The following MGST1 variants were observed in gnomAD, a reference collection of about 807,000 sequenced individuals.
MGST1 encodes the protein glutathione S-transferase 12.
MGST1 carries 5 observed loss-of-function variants against 8.9 expected under a neutral mutation model. The observed-to-expected ratio is 0.56, with a 90% CI of 0.29 to 1.19. The LOEUF (loss-of-function observed/expected upper bound fraction) is 1.19, where lower values mean the gene tolerates loss of function less well. MGST1 is among the 50% of genes most tolerant of loss of function. The pLI, the probability that MGST1 is intolerant of heterozygous loss-of-function variation, is 0.08. For synonymous variants in MGST1, 54 were observed against 67.8 expected, an observed-to-expected ratio of 0.80 and a Z score of 1.00; for missense variants, 182 against 187.4, an observed-to-expected ratio of 0.97 and a Z score of 0.17.
At chr12:16,472,954 A>T (rs2137136365) in intron 4 of MGST1, among the ~76,000 whole-genome samples, 1 of 152,300 alleles carries the variant, frequency 6.6e-6, no homozygotes, top group East Asian at 1.9e-4. Context: ...TTTGTAGGCT[A>T]GCCTTTCCAT....
Position 16,544,285 on chromosome 12 carries a change from T to C in MGST1, n.483-45243T>C, listed in dbSNP as rs1341139369. Among the ~76,000 whole-genome samples, 1 of 149,032 alleles carries C rather than the reference T, an allele frequency of 6.7e-6. No individual in the cohort carries two copies. Among genetic ancestry groups the C allele is most frequent in the Non-Finnish European group, 1.5e-5 (1 of 67,418 alleles). ...ACACAAAACATAACCTACTAGTCAA[T>C]CTGCCTGCATTGCATCAGGGTCTAT... On this transcript the variant is annotated intron_variant and non_coding_transcript_variant, in intron 4 of 4. Coordinates refer to the MGST1 transcript ENST00000538857. This position sits in a 1 kb window ranked among gnomAD's most constrained non-coding sequence, Gnocchi z 4.8.
At position 16,524,715 on chromosome 12, in the gene MGST1, T is replaced by C. The variant is rs73320902; in HGVS notation, n.483-64813T>C. On this transcript the variant is annotated intron_variant and non_coding_transcript_variant, in intron 4 of 4. Transcript: ENST00000538857. The stretch of plus-strand genomic sequence containing the variant: ...AACTCCAATGTTTTGGTCTTCATTT[T>C]CACTATATTTTGTACTTATTGTACA... Among the ~76,000 whole-genome samples the C allele has an allele frequency of 6.2e-3, 939 of 152,212 alleles. 8 individuals carry two copies. Among genetic ancestry groups the C allele is most frequent in the African/African-American group, 0.021 (873 of 41,556 alleles).
intron 4 of MGST1, among the ~76,000 whole-genome samples, chr12:16,467,302 G>A (rs763619993): frequency 1.6e-4 from 25 of 152,196 alleles, no homozygotes; most frequent in Non-Finnish European, 3.5e-4. Flanking sequence ...TATTGAAGTT[G>A]CCAGGCAAAA....
At chr12:16,525,489 C>T (rs1445181833) in intron 4 of MGST1, among the ~76,000 whole-genome samples, 1 of 150,528 alleles carries the variant, frequency 6.6e-6, no homozygotes, top group Non-Finnish European at 1.5e-5. Flanking sequence ...TTTTTTATGG[C>T]TGCATAGTAT....
At chr12:16,371,443 T>C (rs961732812) in intron 3 of MGST1, among the ~76,000 whole-genome samples, 6 of 152,080 alleles carry the variant, frequency 3.9e-5, no homozygotes, top group Non-Finnish European at 5.9e-5. Flanking sequence ...AGAAAGATGG[T>C]GAAACGACTG....
intron 4 of MGST1, among the ~76,000 whole-genome samples, chr12:16,463,470 G>A (rs1286555829): frequency 2.0e-5 from 3 of 151,808 alleles, no homozygotes; most frequent in African/African-American, 4.8e-5. Context: ...AGGAAGAAGA[G>A]CTAATAGATG....
rs372906861 is a variant in MGST1 at position 16,387,651 on chromosome 12, C to T, written n.778+4047C>T. 4.4e-3 allele frequency among the ~76,000 whole-genome samples: 670 copies of T among 152,016 alleles called. 7 individuals are homozygous for T. The highest frequency in any genetic ancestry group is 0.015 in the African/African-American group (642 of 41,438). On this transcript the variant is annotated intron_variant and non_coding_transcript_variant, in intron 1 of 1. Coordinates refer to the MGST1 transcript ENST00000359720. ...ACGCCATTCTCCTGCCTCAGCCTCCCGAGTAGCTGGGACTACAGGCGCCCA... is the reference window on the plus strand; with the variant it reads ...ACGCCATTCTCCTGCCTCAGCCTCCTGAGTAGCTGGGACTACAGGCGCCCA...
chr12:16,470,178 A>G (rs1941282688), intron 4 of MGST1, among the ~76,000 whole-genome samples: 2 of 152,180 alleles, frequency 1.3e-5, no homozygotes, highest in South Asian at 4.1e-4. Flanking sequence ...TATTTGGGGA[A>G]CTTTCTACAT....
Position 16,555,823 on chromosome 12 carries a change from C to T in MGST1, n.483-33705C>T, listed in dbSNP as rs2137284134. 6.6e-6 allele frequency among the ~76,000 whole-genome samples: 1 copy of T among 152,276 alleles called. No individual in the cohort carries two copies. Among genetic ancestry groups the T allele is most frequent in the Admixed American group, 6.5e-5 (1 of 15,294 alleles). On this transcript the variant is annotated intron_variant and non_coding_transcript_variant, in intron 4 of 4. Coordinates refer to the MGST1 transcript ENST00000538857. This position sits in a 1 kb window ranked among gnomAD's most constrained non-coding sequence, Gnocchi z 5.5. ...AATTCCTTTCCTCACTGCTCCCTGG[C>T]TCCCTCATCTTCCCCAACCCCGAGC...
Position 16,503,886 on chromosome 12 carries a change from C to G in MGST1, n.483-85642C>G, listed in dbSNP as rs776222958. The stretch of plus-strand genomic sequence containing the variant: ...CTGCATAACTACCTCAGAGCTGCCA[C>G]TCTGGGCACATTGCCTATGGGGTAG... On this transcript the variant is annotated intron_variant and non_coding_transcript_variant, in intron 4 of 4. Transcript: ENST00000538857. The surrounding 1 kb of genome is among the most constrained non-coding windows in gnomAD (Gnocchi z 4.8). Among the ~76,000 whole-genome samples, 47 of 152,332 alleles carry G rather than the reference C, an allele frequency of 3.1e-4. No individual in the cohort carries two copies. Among genetic ancestry groups the G allele is most frequent in the Admixed American group, 1.5e-3 (23 of 15,302 alleles).
chr12:16,444,182 G>GT (rs1410059091), intron 4 of MGST1, among the ~76,000 whole-genome samples: 1,717 of 134,970 alleles, frequency 0.013, 60 homozygotes, highest in Admixed American at 0.08. Context: ...TGGCTGATTT[G>GT]GTTTTTTTTT....
At chr12:16,538,455 C>T (rs978177207) in intron 4 of MGST1, among the ~76,000 whole-genome samples, 3 of 152,104 alleles carry the variant, frequency 2.0e-5, no homozygotes, top group African/African-American at 7.2e-5. Flanking sequence ...CAGGAACGCC[C>T]CACTCTACTG....
chr12:16,405,839 A>G (rs1940694439), intron 1 of MGST1, among the ~76,000 whole-genome samples: 1 of 152,210 alleles, frequency 6.6e-6, no homozygotes, highest in Admixed American at 6.5e-5. Flanking sequence ...AGACATAGAA[A>G]AGGCTTTTGA....
chr12:16,417,203 C>A (rs761101234), intron 1 of MGST1, among the ~76,000 whole-genome samples: 1 of 152,212 alleles, frequency 6.6e-6, no homozygotes, highest in Non-Finnish European at 1.5e-5. Context: ...AGGAAACTTA[C>A]AATCATAGCA....
At chr12:16,374,440 C>T (rs1360076242) in intron 3 of MGST1, among the ~76,000 whole-genome samples, 2 of 152,050 alleles carry the variant, frequency 1.3e-5, no homozygotes, top group African/African-American at 2.4e-5. Context: ...CTCTGCCACA[C>T]AAACAAAATT....
chr12:16,427,114 A>G (rs1371193791), intron 1 of MGST1, among the ~76,000 whole-genome samples: 1 of 152,224 alleles, frequency 6.6e-6, no homozygotes, highest in Non-Finnish European at 1.5e-5. Flanking sequence ...CAGTCTGGCA[A>G]TAAAGACTTT....
At chr12:16,570,385 G>GT (rs1194113742) in intron 4 of MGST1, among the ~76,000 whole-genome samples, 1 of 151,818 alleles carries the variant, frequency 6.6e-6, no homozygotes. Flanking sequence ...AAGTGGAGAG[G>GT]TATCTGGTTT....
chr12:16,495,172 G>C (rs1178231770), intron 4 of MGST1, among the ~76,000 whole-genome samples: 2 of 152,098 alleles, frequency 1.3e-5, no homozygotes, highest in African/African-American at 4.8e-5. Flanking sequence ...CTGCAACATG[G>C]ATGAAACTGG....
chr12:16,542,707 T>C (rs1409879915), intron 4 of MGST1, among the ~76,000 whole-genome samples: 2 of 152,204 alleles, frequency 1.3e-5, no homozygotes, highest in Non-Finnish European at 2.9e-5. Flanking sequence ...CCAAGCCGTC[T>C]TGACTAAACT....
Sources: gnomAD v4.1 joint callset for allele counts (sites outside exome capture counted in the v4.1 genomes callset) on GRCh38, gnomAD v4.1.1 for gene constraint, Gnocchi (gnomAD v3.1) non-coding constraint, MANE v1.5 for transcripts, NCBI Gene and HGNC (gene_info 2026-07-23, HGNC 2026-07-21) for gene names.